Variants in PTPRK observed in about 807,000 individuals in gnomAD.
PTPRK encodes receptor-type tyrosine-protein phosphatase kappa.
Under a neutral mutation model 178.0 loss-of-function variants are expected in PTPRK, and 75 were observed. The observed-to-expected ratio is 0.42, with a 90% CI of 0.35 to 0.51. The LOEUF is 0.51. Ranked by LOEUF, PTPRK falls within the 20% of genes least tolerant of loss-of-function variation. PTPRK has a pLI of 0.02. For synonymous variants in PTPRK, 637 were observed against 620.6 expected, an observed-to-expected ratio of 1.03 and a Z score of -0.39; for missense variants, 1,441 against 1,797.8, an observed-to-expected ratio of 0.80 and a Z score of 3.59.
chr6:127,971,469 G>GCGAGTGCATTCAAGGAACCAAAATGTGC (rs1303577255), intron 29 of PTPRK, among the ~76,000 whole-genome samples: 55 of 152,080 alleles, frequency 3.6e-4, no homozygotes, highest in Non-Finnish European at 1.0e-4. Flanking sequence ...TACCACTGTG[G>GCGAGTGCATTCAAGGAACCAAAATGTGC]CGAGTGCATT....
intron 3 of PTPRK, among the ~76,000 whole-genome samples, chr6:128,279,270 A>G (rs1205339541): frequency 2.0e-5 from 3 of 152,078 alleles, no homozygotes; most frequent in Non-Finnish European, 4.4e-5. Context: ...TGTTCTGTGA[A>G]TGTGTTACAG....
chr6:128,426,238 G>C (rs750737542), intron 1 of PTPRK, among the ~76,000 whole-genome samples: 1 of 152,090 alleles, frequency 6.6e-6, no homozygotes, highest in African/African-American at 2.4e-5. Flanking sequence ...CCTCCAATGC[G>C]TATTAGTATT....
At chr6:128,121,083 A>T (rs113515728) in intron 7 of PTPRK, among the ~76,000 whole-genome samples, 9,023 of 152,032 alleles carry the variant, frequency 0.059, 356 homozygotes, top group Middle Eastern at 0.1. Flanking sequence ...GGCATGCTGA[A>T]CTTCAAGAGC....
At chr6:128,470,797 C>CTAT (rs2128418195) in intron 1 of PTPRK, among the ~76,000 whole-genome samples, 1 of 126,338 alleles carries the variant, frequency 7.9e-6, no homozygotes, top group East Asian at 2.4e-4. Flanking sequence ...TTCCTGCAAA[C>CTAT]TATTACAAGT....
In PTPRK at chr6:128,083,833, C is replaced by T; in HGVS notation, c.1466-9G>A. The T allele has an allele frequency of 6.7e-7, 1 of 1,496,752 alleles. No homozygotes were observed. Among genetic ancestry groups the T allele is most frequent in the Non-Finnish European group, 9.0e-7 (1 of 1,106,702 alleles). 92.7% of individuals were successfully genotyped at this position (1,496,752 alleles called of 1,614,324 possible). The stretch of plus-strand genomic sequence containing the variant: ...TGGTACGGGACCAGGCACTACAAAA[C>T]ACATGAATTTTTTGTTATGAAAATG... On this transcript the variant is annotated splice_polypyrimidine_tract_variant and intron_variant, in intron 8 of 29. Transcript: ENST00000368226.
intron 3 of PTPRK, among the ~76,000 whole-genome samples, chr6:128,274,822 G>T (rs1820453816): frequency 6.6e-6 from 1 of 151,830 alleles, no homozygotes; most frequent in Admixed American, 6.6e-5. Context: ...AGATTATCAA[G>T]AAAAAATTCA....
chr6:128,304,588 T>C (rs1329069267), intron 3 of PTPRK, among the ~76,000 whole-genome samples: 1 of 152,180 alleles, frequency 6.6e-6, no homozygotes, highest in Non-Finnish European at 1.5e-5. Flanking sequence ...ATCTGGTTGT[T>C]AGAGAAAATA....
At chr6:128,062,875 A>G (rs1044185805) in intron 13 of PTPRK, 1 of 151,784 alleles carries the variant, frequency 6.6e-6, no homozygotes, top group South Asian at 2.1e-4. Flanking sequence ...TTTTCAGTAG[A>G]AACAGGGTCT....
intron 7 of PTPRK, among the ~76,000 whole-genome samples, chr6:128,168,550 C>T (rs1799745898): frequency 6.6e-6 from 1 of 152,014 alleles, no homozygotes; most frequent in African/African-American, 2.4e-5. Context: ...GGAGAATCAC[C>T]ACCCGAGCAC....
At chr6:128,336,742 CAAAT>C (rs1219447654) in intron 2 of PTPRK, among the ~76,000 whole-genome samples, 1 of 152,114 alleles carries the variant, frequency 6.6e-6, no homozygotes, top group African/African-American at 2.4e-5. Context: ...ACTAAACAAA[CAAAT>C]AAACAAAAAC....
intron 5 of PTPRK, among the ~76,000 whole-genome samples, chr6:128,239,741 A>G (rs1381702065): frequency 1.8e-4 from 28 of 152,222 alleles, no homozygotes; most frequent in Admixed American, 1.7e-3. Context: ...ATTCTTATTC[A>G]TATTTCAAAT....
rs116599205 is a variant in PTPRK at position 128,475,471 on chromosome 6, C to T, written c.100+44788G>A. Among the ~76,000 whole-genome samples the T allele has an allele frequency of 9.3e-3, 1,410 of 152,002 alleles. 25 individuals carry two copies. Among genetic ancestry groups the T allele is most frequent in the African/African-American group, 0.032 (1,323 of 41,502 alleles). ...AGTGGAAGACAGGAGACTACTGCCA[C>T]GGTCTAGGAATGATACTCTGAAGGT... On this transcript the variant is annotated intron_variant, in intron 1 of 29. Coordinates refer to ENST00000368226, the MANE Select transcript of PTPRK (RefSeq NM_002844.4).
chr6:128,122,442 C>A (rs191658938), intron 7 of PTPRK, among the ~76,000 whole-genome samples: 72 of 152,208 alleles, frequency 4.7e-4, no homozygotes, highest in African/African-American at 1.7e-3. Flanking sequence ...ATCACAAGAA[C>A]CCCTCAGCAA....
intron 1 of PTPRK, among the ~76,000 whole-genome samples, chr6:128,510,362 T>C (rs918927647): frequency 6.6e-6 from 1 of 152,256 alleles, no homozygotes; most frequent in Non-Finnish European, 1.5e-5. Flanking sequence ...CAGCTGCTAC[T>C]TCTCTACATT....
At chr6:128,132,880 G>A (rs936832468) in intron 7 of PTPRK, among the ~76,000 whole-genome samples, 1 of 152,026 alleles carries the variant, frequency 6.6e-6, no homozygotes, top group Non-Finnish European at 1.5e-5. Flanking sequence ...TTTTCCATCA[G>A]CCCCATTTGA....
At chr6:128,487,657 A>C (rs1562621963) in intron 1 of PTPRK, among the ~76,000 whole-genome samples, 2 of 152,244 alleles carry the variant, frequency 1.3e-5, no homozygotes, top group South Asian at 4.1e-4. Context: ...GGAATGATCT[A>C]ATAGTAACAG....
chr6:128,308,359 A>G (rs889779944), intron 3 of PTPRK, among the ~76,000 whole-genome samples: 1 of 151,948 alleles, frequency 6.6e-6, no homozygotes, highest in Non-Finnish European at 1.5e-5. Context: ...TCCATAAAAC[A>G]TACATATATT....
chr6:128,278,331 T>C (rs962383323), intron 3 of PTPRK, among the ~76,000 whole-genome samples: 1 of 152,052 alleles, frequency 6.6e-6, no homozygotes, highest in Admixed American at 6.6e-5. Context: ...TAATTTTTTG[T>C]ATTTTTAGTA....
At chr6:128,292,744 A>G (rs1285522230) in intron 3 of PTPRK, among the ~76,000 whole-genome samples, 1 of 152,116 alleles carries the variant, frequency 6.6e-6, no homozygotes, top group Non-Finnish European at 1.5e-5. Flanking sequence ...TAACTAGTAC[A>G]TTGACATATA....
Sources: allele counts gnomAD v4.1 joint callset (sites outside exome capture counted in the v4.1 genomes callset), GRCh38; gene constraint gnomAD v4.1.1; transcripts MANE v1.5; gene names NCBI Gene and HGNC (gene_info 2026-07-23, HGNC 2026-07-21).